The following POLR2F variants were observed in gnomAD, a reference collection of about 807,000 sequenced individuals.
POLR2F encodes DNA-directed RNA polymerases I, II, and III subunit RPABC2.
In POLR2F, 12 loss-of-function variants were observed where a neutral mutation model predicts 22.7. The observed-to-expected ratio is 0.53, with a 90% confidence interval of 0.34 to 0.86. POLR2F has a LOEUF of 0.86. POLR2F is among the 40% of genes least tolerant of loss of function. The pLI is 0.02. For synonymous variants in POLR2F, 57 were observed against 66.0 expected (o/e 0.86, Z 0.66); for missense variants, 126 against 171.5 (o/e 0.73, Z 1.48).
intron 5 of POLR2F, among the ~76,000 whole-genome samples, chr22:38,039,140 G>A (rs945322488): frequency 2.6e-5 from 4 of 152,204 alleles, no homozygotes; most frequent in Admixed American, 6.5e-5. Flanking sequence ...GCTTGAGGGG[G>A]CCGCCGCTGG....
rs182619496 is a variant in POLR2F, at chr22:38,015,943, A to C, written c.121-9926A>C. On this transcript the variant is annotated intron_variant, in intron 1 of 2. Coordinates refer to the POLR2F transcript ENST00000333418. ...CATCTGAGTCTCGGCCTCTGCTGGT[A>C]CTGCCCATTGTGCTTTTGCTTGTGT... Among the ~76,000 whole-genome samples the C allele has an allele frequency of 3.3e-3, 502 of 152,118 alleles. 2 individuals are homozygous for C. Among genetic ancestry groups the C allele is most frequent in the African/African-American group, 0.011 (476 of 41,478 alleles).
rs952218845 is a variant in POLR2F at position 37,969,209 on chromosome 22, C to G, written c.*1494C>G. On this transcript the variant is annotated 3_prime_UTR_variant, in exon 5 of 5. Coordinates refer to ENST00000442738, the MANE Select transcript of POLR2F (RefSeq NM_021974.5). ...AAATGGGACAGAAGGGGTGTTTTTC[C>G]TCCTGTCTTCCTCTTCCCATTCTCC... 9.1e-6 allele frequency: 9 copies of G among 985,332 alleles called. No homozygotes were observed. In the East Asian group the frequency reaches 9.1e-4, roughly 99 times the overall value. The allele number at this position is 985,332 out of a possible 1,614,324, so 61.0% of individuals were successfully genotyped here. A position where few individuals can be genotyped will look rare whatever the true frequency, so the allele number is the denominator to read the frequency against.
In POLR2F at chr22:37,997,813, C is replaced by T. The variant is rs1166254101; in HGVS notation, c.120+11501C>T. 6.6e-6 allele frequency among the ~76,000 whole-genome samples: 1 copy of T among 152,144 alleles called. No homozygotes were observed. The highest frequency in any genetic ancestry group is 1.5e-5 in the Non-Finnish European group (1 of 68,018). ...TCCCAGGGACCTCACCTCCTGTGAG[C>T]CCACAGCTCACCGTCTGTCGAGGGG... On this transcript the variant is annotated intron_variant, in intron 1 of 2. Transcript: ENST00000333418. The surrounding 1 kb of genome is among the most constrained non-coding windows in gnomAD (Gnocchi z 4.4).
At chr22:38,014,735 G>A (rs781493494) in intron 1 of POLR2F, among the ~76,000 whole-genome samples, 6 of 150,718 alleles carry the variant, frequency 4.0e-5, no homozygotes, top group Admixed American at 1.3e-4. Context: ...TATCTGCCTC[G>A]GCCTCCCAAA....
intron 1 of POLR2F, chr22:37,987,543 T>C (rs1341773339): frequency 2.6e-5 from 9 of 352,194 alleles, no homozygotes; most frequent in Non-Finnish European, 4.5e-5. Flanking sequence ...CCTCCCTCCC[T>C]GCCTGCCCTG....
intron 1 of POLR2F, among the ~76,000 whole-genome samples, chr22:38,019,381 C>G (rs1451176162): frequency 1.3e-5 from 2 of 152,132 alleles, no homozygotes; most frequent in Non-Finnish European, 2.9e-5. Context: ...TGACTACTGC[C>G]CAGCAGCTGG....
Position 38,017,111 on chromosome 22 carries a change from TG to T in POLR2F, c.121-8754del, listed in dbSNP as rs1220626382. Among the ~76,000 whole-genome samples the T allele has an allele frequency of 6.6e-6, 1 of 152,176 alleles. No homozygotes were observed. Among genetic ancestry groups the T allele is most frequent in the Non-Finnish European group, 1.5e-5 (1 of 68,018 alleles). On this transcript the variant is annotated intron_variant, in intron 1 of 2. Coordinates refer to the POLR2F transcript ENST00000333418. This position sits in a 1 kb window ranked among gnomAD's most constrained non-coding sequence, Gnocchi z 4.1. ...CCTGAGCGGGGCACGTGCCAGGGTC[TG>T]GGGTCTGCATCCTCATGTGCCCTGG...
At chr22:38,021,434 G>C (rs1364209497) in intron 1 of POLR2F, among the ~76,000 whole-genome samples, 2 of 152,120 alleles carry the variant, frequency 1.3e-5, no homozygotes, top group Admixed American at 1.3e-4. Context: ...TGTTAAAGGA[G>C]GCCACAAGAC....
intron 1 of POLR2F, among the ~76,000 whole-genome samples, chr22:37,996,496 T>C (rs3026655): frequency 0.011 from 1,601 of 152,336 alleles, 17 homozygotes; most frequent in Non-Finnish European, 0.017. Context: ...TGGCCTGAAA[T>C]TGGGGACTGC....
At chr22:37,974,194 C>G (rs754304135), downstream of POLR2F, 16 of 1,601,984 alleles carry the variant, frequency 1.0e-5, no homozygotes, top group Non-Finnish European at 1.2e-5. The surrounding 1 kb of genome is among the most constrained non-coding windows in gnomAD (Gnocchi z 5.4). Flanking sequence ...GGCCATGGCT[C>G]TGGCCTGGGT....
At chr22:38,007,692 C>G (rs1010287842) in intron 1 of POLR2F, among the ~76,000 whole-genome samples, 7 of 152,234 alleles carry the variant, frequency 4.6e-5, no homozygotes, top group African/African-American at 1.7e-4. Flanking sequence ...CTGGGCCCAT[C>G]AGCAGCAGCA....
At chr22:37,999,041 G>C (rs1482011602) in intron 1 of POLR2F, among the ~76,000 whole-genome samples, 1 of 151,964 alleles carries the variant, frequency 6.6e-6, no homozygotes, top group Non-Finnish European at 1.5e-5. Context: ...CTCACCCAGG[G>C]CCTCCCCCTT....
Position 38,024,793 on chromosome 22 carries a change from A to C in POLR2F, c.121-1076A>C, listed in dbSNP as rs73417875. ...CTGGCAGTGGGAGAGGACTGGGCAG[A>C]GTGGCTCAGAGACTCTGCCTGCTCC... On this transcript the variant is annotated intron_variant, in intron 1 of 2. Coordinates refer to the POLR2F transcript ENST00000333418. 8.9e-3 allele frequency among the ~76,000 whole-genome samples: 1,354 copies of C among 152,150 alleles called. 17 individuals carry two copies. Among genetic ancestry groups the C allele is most frequent in the African/African-American group, 0.031 (1,290 of 41,500 alleles).
Position 37,968,199 on chromosome 22 carries a change from G to A in POLR2F, c.*484G>A. The A allele has an allele frequency of 3.0e-6, 3 of 985,508 alleles. No individual in the cohort carries two copies. The highest frequency in any genetic ancestry group is 9.4e-5 in the South Asian group (2 of 21,294). 61.0% of individuals were successfully genotyped at this position (985,508 alleles called of 1,614,324 possible). ...CTTCGAGCCTCTTATCGTGGGCTCGGATCCCCTTTCAGGAGCAGTGCCCCA... is the reference window on the plus strand; with the variant it reads ...CTTCGAGCCTCTTATCGTGGGCTCGAATCCCCTTTCAGGAGCAGTGCCCCA... On this transcript the variant is annotated 3_prime_UTR_variant, in exon 5 of 5. Transcript: ENST00000442738.
At chr22:37,989,250 A>G (rs1932671487) in intron 1 of POLR2F, among the ~76,000 whole-genome samples, 1 of 152,160 alleles carries the variant, frequency 6.6e-6, no homozygotes, top group Admixed American at 6.5e-5. Flanking sequence ...GATATCCCCA[A>G]GTGATGAGAG....
At chr22:38,000,839 C>T (rs2084762583) in intron 1 of POLR2F, among the ~76,000 whole-genome samples, 1 of 152,218 alleles carries the variant, frequency 6.6e-6, no homozygotes, top group Non-Finnish European at 1.5e-5. Context: ...GGCTCTGTCC[C>T]TGCCCTCGGA....
At chr22:38,005,492 A>G (rs2084813087) in intron 1 of POLR2F, among the ~76,000 whole-genome samples, 1 of 152,214 alleles carries the variant, frequency 6.6e-6, no homozygotes, top group African/African-American at 2.4e-5. Context: ...ATGGAACCCT[A>G]TAGACCTTTA....
At chr22:37,995,369 C>T (rs953199425) in intron 1 of POLR2F, among the ~76,000 whole-genome samples, 2 of 152,244 alleles carry the variant, frequency 1.3e-5, no homozygotes, top group East Asian at 1.9e-4. Context: ...ATTCCCTTAG[C>T]GCTGCATGGA....
downstream of POLR2F, among the ~76,000 whole-genome samples, chr22:38,028,489 C>CGT (rs149598405): frequency 1.3e-5 from 2 of 151,154 alleles, no homozygotes; most frequent in East Asian, 1.9e-4. Context: ...TCTGTGTGTG[C>CGT]GTGTGTGTGT....
Sources: allele counts gnomAD v4.1 joint callset (sites outside exome capture counted in the v4.1 genomes callset), GRCh38; gene constraint gnomAD v4.1.1; non-coding constraint Gnocchi (gnomAD v3.1); transcripts MANE v1.5; gene names NCBI Gene and HGNC (gene_info 2026-07-23, HGNC 2026-07-21).